The following MGAT5 variants were observed in gnomAD, a reference collection of about 807,000 sequenced individuals.
MGAT5 encodes alpha-1,6-mannosylglycoprotein 6-beta-N-acetylglucosaminyltransferase.
A neutral mutation model predicts 94.3 loss-of-function variants in MGAT5; 30 were observed. That is an observed-to-expected ratio of 0.32 (90% CI 0.24 to 0.43). The LOEUF (loss-of-function observed/expected upper bound fraction) is 0.43. MGAT5 is among the 20% of genes least tolerant of loss of function. The pLI, the probability that MGAT5 is intolerant of heterozygous loss-of-function variation, is 1.00. For missense variants in MGAT5, 691 were observed against 905.5 expected, an observed-to-expected ratio of 0.76 and a Z score of 3.04; for synonymous variants, 310 against 322.9, an observed-to-expected ratio of 0.96 and a Z score of 0.43.
At chr2:134,423,944 G>C (rs16830596) in intron 13 of MGAT5, among the ~76,000 whole-genome samples, 1 of 152,126 alleles carries the variant, frequency 6.6e-6, no homozygotes, top group Non-Finnish European at 1.5e-5. Context: ...CGGTGCCCAC[G>C]TAGGGATTTA....
chr2:134,253,605 G>A (rs1180660239), upstream of MGAT5, among the ~76,000 whole-genome samples: 1 of 152,206 alleles, frequency 6.6e-6, no homozygotes, highest in East Asian at 1.9e-4. Flanking sequence ...GCAGTGAGGT[G>A]TACCTTTTCC....
chr2:134,193,673 CTTTGTGTG>C (rs1679345912), intron 1 of MGAT5, among the ~76,000 whole-genome samples: 1 of 119,332 alleles, frequency 8.4e-6, no homozygotes, highest in Non-Finnish European at 1.8e-5. Flanking sequence ...TACCCCAAAT[CTTTGTGTG>C]TGTGTGTGTG....
chr2:134,418,319 G>C (rs1684091173), intron 12 of MGAT5, among the ~76,000 whole-genome samples: 1 of 152,156 alleles, frequency 6.6e-6, no homozygotes, highest in African/African-American at 2.4e-5. Context: ...ACGGACATTT[G>C]GTTCCTCCTG....
At chr2:134,327,981 G>A (rs11679286) in intron 4 of MGAT5, among the ~76,000 whole-genome samples, 284 of 152,216 alleles carry the variant, frequency 1.9e-3, no homozygotes, top group Non-Finnish European at 3.2e-3. Flanking sequence ...GACCAGTTTT[G>A]CCAGCATCCA....
At chr2:134,155,140 T>C (rs1325685657) in intron 1 of MGAT5, among the ~76,000 whole-genome samples, 1 of 152,200 alleles carries the variant, frequency 6.6e-6, no homozygotes, top group Non-Finnish European at 1.5e-5. Flanking sequence ...TTGGCACATG[T>C]GAAACAGTCC....
rs1413896505 is a variant in MGAT5 at position 134,366,900 on chromosome 2, A to G, written c.1380+4492A>G. On this transcript the variant is annotated intron_variant, in intron 10 of 15. Transcript: ENST00000281923. ...TGCTTTTATCAGACTGCTGCCTGTC[A>G]CTTTTTGCTACTGTAGGTGCCTAGT... 2.0e-5 allele frequency among the ~76,000 whole-genome samples: 3 copies of G among 152,300 alleles called. No homozygotes were observed. In the South Asian group the frequency reaches 6.2e-4, roughly 32 times the overall value.
At chr2:134,128,052 A>G (rs1573705478) in intron 1 of MGAT5, among the ~76,000 whole-genome samples, 2 of 151,918 alleles carry the variant, frequency 1.3e-5, no homozygotes, top group East Asian at 3.9e-4. Flanking sequence ...AGGGCTTATT[A>G]CCTTATTGTC....
chr2:134,212,753 A>G (rs927280669), intron 1 of MGAT5, among the ~76,000 whole-genome samples: 15 of 152,180 alleles, frequency 9.9e-5, no homozygotes, highest in African/African-American at 3.6e-4. Flanking sequence ...GGATTTCCCC[A>G]TACTTTCAGT....
chr2:134,146,779 C>T (rs996224986), intron 1 of MGAT5, among the ~76,000 whole-genome samples: 6 of 152,290 alleles, frequency 3.9e-5, no homozygotes, highest in Admixed American at 2.0e-4. Flanking sequence ...GACTGGCCAC[C>T]GCTCTTCCGC....
intron 10 of MGAT5, among the ~76,000 whole-genome samples, chr2:134,367,304 C>A (rs886458148): frequency 6.6e-6 from 1 of 152,204 alleles, no homozygotes; most frequent in African/African-American, 2.4e-5. Flanking sequence ...CCAGGGAGTT[C>A]TATCCTATGA....
intron 1 of MGAT5, among the ~76,000 whole-genome samples, chr2:134,165,147 G>A (rs184716628): frequency 6.6e-6 from 1 of 152,304 alleles, no homozygotes; most frequent in Non-Finnish European, 1.5e-5. Context: ...TCTGAGGAAT[G>A]AAATCTTAAA....
chr2:134,330,276 C>T (rs1020807867), intron 4 of MGAT5, among the ~76,000 whole-genome samples: 2 of 152,008 alleles, frequency 1.3e-5, no homozygotes, highest in Admixed American at 6.6e-5. Flanking sequence ...AAATTACATG[C>T]CTAGTTATTT....
At chr2:134,306,192 T>C (rs1353534127) in intron 2 of MGAT5, among the ~76,000 whole-genome samples, 1 of 152,168 alleles carries the variant, frequency 6.6e-6, no homozygotes, top group Non-Finnish European at 1.5e-5. Context: ...CTTAAAATAC[T>C]AAGGAACATT....
At chr2:134,399,783 G>A (rs1323972252) in intron 10 of MGAT5, among the ~76,000 whole-genome samples, 3 of 152,136 alleles carry the variant, frequency 2.0e-5, no homozygotes, top group African/African-American at 7.2e-5. Context: ...ACAGGTCTAT[G>A]GTGGTCACCT....
chr2:134,388,123 C>T (rs912070755), intron 10 of MGAT5, among the ~76,000 whole-genome samples: 1 of 152,142 alleles, frequency 6.6e-6, no homozygotes, highest in Non-Finnish European at 1.5e-5. Flanking sequence ...CCACCTCTTC[C>T]CAAAAAGTCA....
At chr2:134,145,867 T>C (rs1686893412) in intron 1 of MGAT5, among the ~76,000 whole-genome samples, 1 of 152,078 alleles carries the variant, frequency 6.6e-6, no homozygotes, top group Non-Finnish European at 1.5e-5. Flanking sequence ...CCTAACACCT[T>C]CCCCCAACCC....
chr2:134,358,870 A>G (rs1223819719), intron 9 of MGAT5, among the ~76,000 whole-genome samples: 1 of 152,220 alleles, frequency 6.6e-6, no homozygotes, highest in African/African-American at 2.4e-5. Flanking sequence ...CTTATCATAT[A>G]AGCTGGTTTG....
intron 1 of MGAT5, among the ~76,000 whole-genome samples, chr2:134,246,885 G>C (rs1573605533): frequency 6.6e-6 from 1 of 152,228 alleles, no homozygotes; most frequent in East Asian, 1.9e-4. Flanking sequence ...TTGTCTTCCA[G>C]TCTGTAAAAA....
At chr2:134,157,209 A>C (rs982209306) in intron 1 of MGAT5, among the ~76,000 whole-genome samples, 1 of 152,196 alleles carries the variant, frequency 6.6e-6, no homozygotes, top group Non-Finnish European at 1.5e-5. Context: ...TGTAGTTAAT[A>C]GTATCATGCC....
Sources: gnomAD v4.1 joint callset for allele counts (sites outside exome capture counted in the v4.1 genomes callset) on GRCh38, gnomAD v4.1.1 for gene constraint, MANE v1.5 for transcripts, NCBI Gene and HGNC (gene_info 2026-07-23, HGNC 2026-07-21) for gene names.